MXI1: variants seen among roughly 807,000 people sequenced by gnomAD.
MXI1 encodes MAX interactor 1, dimerization protein, also known as max-interacting protein 1.
Under a neutral mutation model 36.9 loss-of-function variants are expected in MXI1, and 18 were observed. The observed-to-expected ratio is 0.49, with a 90% CI of 0.34 to 0.72. The LOEUF is 0.72. Among genes scored for constraint, MXI1 ranks in the 30% least tolerant of loss-of-function variants. The pLI is 0.01. For synonymous variants in MXI1, 160 were observed against 146.7 expected (o/e 1.09, Z -0.65); for missense variants, 304 against 379.1 (o/e 0.80, Z 1.64).
intron 3 of MXI1, among the ~76,000 whole-genome samples, chr10:110,267,883 G>T (rs373188732): frequency 2.0e-5 from 3 of 152,184 alleles, no homozygotes; most frequent in African/African-American, 7.2e-5. Flanking sequence ...AATATATGTT[G>T]GGTCTTATTT....
intron 5 of MXI1, among the ~76,000 whole-genome samples, chr10:110,282,819 TG>T (rs1857302069): frequency 6.6e-6 from 1 of 152,164 alleles, no homozygotes; most frequent in Non-Finnish European, 1.5e-5. Context: ...TTTGTTTTTT[TG>T]GGTTTTTAAA....
chr10:110,266,058 G>A (rs559530444), intron 3 of MXI1, among the ~76,000 whole-genome samples: 26 of 151,992 alleles, frequency 1.7e-4, no homozygotes, highest in African/African-American at 4.8e-4. Flanking sequence ...ATTTATGGTC[G>A]CTTTTCTGGT....
intron 3 of MXI1, among the ~76,000 whole-genome samples, chr10:110,261,773 T>G (rs1444769366): frequency 6.6e-6 from 1 of 152,106 alleles, no homozygotes. Flanking sequence ...TCTCCTATAT[T>G]TTCTACCTTT....
At chr10:110,209,260 G>A (rs754650417) in intron 1 of MXI1, among the ~76,000 whole-genome samples, 1 of 152,122 alleles carries the variant, frequency 6.6e-6, no homozygotes, top group Non-Finnish European at 1.5e-5. Flanking sequence ...GGGGGAAACC[G>A]GGATGTTTAA....
chr10:110,223,684 A>G (rs1294597350), intron 1 of MXI1, among the ~76,000 whole-genome samples: 3 of 152,126 alleles, frequency 2.0e-5, no homozygotes, highest in East Asian at 3.8e-4. Flanking sequence ...CCTACCCAAC[A>G]TGGCCCTTGT....
chr10:110,278,701 GGTGT>G (rs368265649), intron 3 of MXI1, among the ~76,000 whole-genome samples: 4,606 of 115,932 alleles, frequency 0.04, 102 homozygotes, highest in African/African-American at 0.12. Flanking sequence ...AGAGAGGTAG[GGTGT>G]GTGTGTGTGT....
chr10:110,232,285 C>G (rs1855299939), intron 2 of MXI1, among the ~76,000 whole-genome samples: 1 of 152,088 alleles, frequency 6.6e-6, no homozygotes, highest in Admixed American at 6.5e-5. Context: ...CATTGGCCAG[C>G]CTTCTTTTGA....
intron 2 of MXI1, among the ~76,000 whole-genome samples, chr10:110,237,129 A>C (rs1855502730): frequency 6.6e-6 from 1 of 150,736 alleles, no homozygotes. Context: ...GGATTTTCTA[A>C]ATAGACAGTA....
At chr10:110,209,994 C>G (rs1490405662) in intron 1 of MXI1, among the ~76,000 whole-genome samples, 4 of 150,248 alleles carry the variant, frequency 2.7e-5, no homozygotes, top group South Asian at 4.2e-4. Flanking sequence ...GTCCCGCCCC[C>G]CACTTCGCAC....
Position 110,286,311 on chromosome 10 carries a change from T to C in MXI1, c.*1324T>C, listed in dbSNP as rs973020726. 9 of 152,608 alleles carry C rather than the reference T, an allele frequency of 5.9e-5. No homozygotes were observed. Among genetic ancestry groups the C allele is most frequent in the African/African-American group, 1.2e-4 (5 of 41,432 alleles). The allele number at this position is 152,608 out of a possible 1,614,324, so 9.5% of individuals were successfully genotyped here. A position where few individuals can be genotyped will look rare whatever the true frequency, so the allele number is the denominator to read the frequency against. ...TTACTCTTACGAATATTTTCAGTAATGTTATTTTCTTCTAAGTGAAATTTC... is the reference window on the plus strand; with the variant it reads ...TTACTCTTACGAATATTTTCAGTAACGTTATTTTCTTCTAAGTGAAATTTC... On this transcript the variant is annotated 3_prime_UTR_variant, in exon 6 of 6. Coordinates refer to ENST00000332674, the MANE Select transcript of MXI1 (RefSeq NM_130439.3).
chr10:110,236,427 G>T (rs1212952518), intron 2 of MXI1, among the ~76,000 whole-genome samples: 2 of 151,738 alleles, frequency 1.3e-5, no homozygotes, highest in African/African-American at 4.8e-5. Flanking sequence ...AGTTCCTTTG[G>T]CTATTCTAGG....
intron 3 of MXI1, among the ~76,000 whole-genome samples, chr10:110,269,262 G>A (rs977201861): frequency 7.2e-5 from 11 of 152,098 alleles, no homozygotes; most frequent in African/African-American, 2.7e-4. Flanking sequence ...TAATTCTTGG[G>A]CCAGATTGTT....
chr10:110,259,163 A>G (rs1856418712), intron 3 of MXI1, among the ~76,000 whole-genome samples: 1 of 152,250 alleles, frequency 6.6e-6, no homozygotes, highest in Admixed American at 6.5e-5. Context: ...TTTTTATGCA[A>G]GTGATTGCAG....
chr10:110,209,492 C>T (rs933787749), intron 1 of MXI1, among the ~76,000 whole-genome samples: 1 of 152,196 alleles, frequency 6.6e-6, no homozygotes, highest in African/African-American at 2.4e-5. Flanking sequence ...GTGTTGGCAG[C>T]GCAATTGTGC....
intron 1 of MXI1, among the ~76,000 whole-genome samples, chr10:110,213,381 C>T (rs190548373): frequency 6.6e-5 from 10 of 152,272 alleles, no homozygotes; most frequent in Admixed American, 5.2e-4. Flanking sequence ...TTTCTGAAAA[C>T]TCTGTAGGTT....
chr10:110,212,794 G>A (rs1194889659), intron 1 of MXI1, among the ~76,000 whole-genome samples: 1 of 152,034 alleles, frequency 6.6e-6, no homozygotes, highest in African/African-American at 2.4e-5. Flanking sequence ...AGATATAATA[G>A]GTGCTCAATA....
intron 1 of MXI1, among the ~76,000 whole-genome samples, chr10:110,225,318 G>T (rs1003356247): frequency 6.6e-6 from 1 of 152,152 alleles, no homozygotes; most frequent in African/African-American, 2.4e-5. Flanking sequence ...GCACCAGGGA[G>T]AATTTTCTGG....
At chr10:110,270,370 C>T (rs1209876891) in intron 3 of MXI1, among the ~76,000 whole-genome samples, 1 of 151,744 alleles carries the variant, frequency 6.6e-6, no homozygotes, top group Non-Finnish European at 1.5e-5. Flanking sequence ...TCTGTTAAAT[C>T]ACTTTGGAGT....
In MXI1 at chr10:110,228,318, A is replaced by G. The variant is rs757725315; in HGVS notation, c.404A>G (p.Asn135Ser). 46 of 1,614,158 alleles carry G rather than the reference A, an allele frequency of 2.8e-5. No individual in the cohort carries two copies. In the Middle Eastern group the frequency reaches 4.9e-4, roughly 17 times the overall value. Reference sequence around the variant, plus strand: ...GGGAGCAGCAACACCAGCACTGCCAACAGGTAGCAAGCTGGGAACGCTTAG... The same window carrying G: ...GGGAGCAGCAACACCAGCACTGCCAGCAGGTAGCAAGCTGGGAACGCTTAG... ...SSGSSNTSTA[N>S]RSTHNELEKN... Residue 135 changes from asparagine (N) to serine (S), a missense_variant, in exon 2 of 6, where the codon AAC becomes AGC. By Grantham distance (46) the Asn-to-Ser change is conservative. Coordinates refer to ENST00000332674, the MANE Select transcript of MXI1 (RefSeq NM_130439.3).
Sources: gnomAD v4.1 joint callset for allele counts (sites outside exome capture counted in the v4.1 genomes callset) on GRCh38, gnomAD v4.1.1 for gene constraint, MANE v1.5 for transcripts, NCBI Gene and HGNC (gene_info 2026-07-23, HGNC 2026-07-21) for gene names.